Variants in ZNF703 observed in about 807,000 individuals in gnomAD.
ZNF703 encodes zinc finger protein 703.
A neutral mutation model predicts 30.7 loss-of-function variants in ZNF703; 18 were observed. The observed-to-expected ratio is 0.59, with a 90% CI of 0.40 to 0.87. The LOEUF (loss-of-function observed/expected upper bound fraction) is 0.87, where lower values mean the gene tolerates loss of function less well. Among genes scored for constraint, ZNF703 ranks in the 40% least tolerant of loss-of-function variants. ZNF703 has a pLI of 0.00. For synonymous variants in ZNF703, 457 were observed against 438.6 expected, an observed-to-expected ratio of 1.04 and a Z score of -0.52; for missense variants, 814 against 847.8, an observed-to-expected ratio of 0.96 and a Z score of 0.50.
At position 37,696,104 on chromosome 8, in the gene ZNF703, T is replaced by A; in HGVS notation, c.125T>A (p.Leu42Gln). 1.2e-6 allele frequency: 2 copies of A among 1,601,410 alleles called. No individual in the cohort carries two copies. Among genetic ancestry groups the A allele is most frequent in the Non-Finnish European group, 1.7e-6 (2 of 1,174,668 alleles). ...AVSLLPPADPLRQANRLPIRV... is the reference protein window; with the variant it reads ...AVSLLPPADPQRQANRLPIRV... ...TCCCTCTTGCCACCGGCGGACCCCCTGCGCCAGGCGAACCGGCTCCCGATC... is the reference window on the plus strand; with the variant it reads ...TCCCTCTTGCCACCGGCGGACCCCCAGCGCCAGGCGAACCGGCTCCCGATC... Residue 42 changes from leucine (L) to glutamine (Q), a missense_variant, in exon 1 of 2, where the codon CTG (leucine) becomes CAG (glutamine). Transcript: ENST00000331569. This position sits in a 1 kb window ranked among gnomAD's most constrained non-coding sequence, Gnocchi z 8.2.
In ZNF703 at chr8:37,696,102, C is replaced by A; in HGVS notation, c.123C>A (p.Pro41=). The change falls in exon 1 of 2, where the codon CCC becomes CCA. Residue 41 remains proline, a synonymous_variant. Coordinates refer to ENST00000331569, the MANE Select transcript of ZNF703 (RefSeq NM_025069.3). The surrounding 1 kb of genome is among the most constrained non-coding windows in gnomAD (Gnocchi z 8.2). ...AAVSLLPPAD[P]LRQANRLPIR... is the part of the protein sequence containing the mutation. ...TGTCCCTCTTGCCACCGGCGGACCC[C>A]CTGCGCCAGGCGAACCGGCTCCCGA... The A allele has an allele frequency of 6.2e-7, 1 of 1,600,712 alleles. No individual in the cohort carries two copies. Among genetic ancestry groups the A allele is most frequent in the South Asian group, 1.1e-5 (1 of 89,520 alleles).
In ZNF703 at chr8:37,696,270, C is replaced by A. The variant is rs987829370; in HGVS notation, c.243+48C>A. The A allele has an allele frequency of 6.5e-7, 1 of 1,529,480 alleles. No homozygotes were observed. 94.7% of individuals were successfully genotyped at this position (1,529,480 alleles called of 1,614,324 possible). ...CGGGCGCCGGCCCCATTCCTCCCACCGCGACCGGGACCCTGACCCAGCTCC... is the reference window on the plus strand; with the variant it reads ...CGGGCGCCGGCCCCATTCCTCCCACAGCGACCGGGACCCTGACCCAGCTCC... On this transcript the variant is annotated intron_variant, in intron 1 of 1. Transcript: ENST00000331569. This position sits in a 1 kb window ranked among gnomAD's most constrained non-coding sequence, Gnocchi z 8.2.
Position 37,698,766 on chromosome 8 carries a change from C to T in ZNF703, c.*92C>T. 1 of 1,114,134 alleles carries T rather than the reference C, an allele frequency of 9.0e-7. No individual in the cohort carries two copies. Among genetic ancestry groups the T allele is most frequent in the East Asian group, 3.2e-5 (1 of 31,458 alleles). 69.0% of individuals were successfully genotyped at this position (1,114,134 alleles called of 1,614,324 possible). ...GCCGTCGCCGCTGCAACCTCCACTA[C>T]TGCTTGACCCTGCCGGGATTCCCCA... On this transcript the variant is annotated 3_prime_UTR_variant, in exon 2 of 2. Coordinates refer to ENST00000331569, the MANE Select transcript of ZNF703 (RefSeq NM_025069.3).
chr8:37,699,710 G>A lies in ZNF703; in HGVS notation c.*1036G>A, dbSNP rs548977103. On this transcript the variant is annotated 3_prime_UTR_variant, in exon 2 of 2. Coordinates refer to ENST00000331569, the MANE Select transcript of ZNF703 (RefSeq NM_025069.3). ...TCCCCTGGCAGTAGGGGTGGGGTAG[G>A]TGACTCTCGCTAGATCCCTCCAAAG... 2.6e-5 allele frequency: 4 copies of A among 152,458 alleles called. No individual in the cohort carries two copies. The highest frequency in any genetic ancestry group is 9.6e-5 in the African/African-American group (4 of 41,588). 9.4% of individuals were successfully genotyped at this position (152,458 alleles called of 1,614,324 possible).
At position 37,697,137 on chromosome 8, in the gene ZNF703, T is replaced by C. The variant is rs1283865606; in HGVS notation, c.244-8T>C. 1 of 1,540,932 alleles carries C rather than the reference T, an allele frequency of 6.5e-7. No homozygotes were observed. On this transcript the variant is annotated splice_polypyrimidine_tract_variant and splice_region_variant and intron_variant, in intron 1 of 1. Transcript: ENST00000331569. ...CCTTCTCCCTCCCCCTGCTTCTGTC[T>C]CCCACAGCTGGACGCCAAGAAGAGC...
In ZNF703 at chr8:37,697,622, G is replaced by T. The variant is rs1802094458; in HGVS notation, c.721G>T (p.Glu241Ter). 1.4e-6 allele frequency: 2 copies of T among 1,418,284 alleles called. No individual in the cohort carries two copies. Among genetic ancestry groups the T allele is most frequent in the South Asian group, 1.5e-5 (1 of 65,286 alleles). 87.9% of individuals were successfully genotyped at this position (1,418,284 alleles called of 1,614,324 possible). A position where few individuals can be genotyped will look rare whatever the true frequency, so the allele number is the denominator to read the frequency against. ...GAACGGCGGCGGGGTTGGCGGCGGGGAGCTGGACAAGAAAGACCAGGAGCC... is the reference window on the plus strand; with the variant it reads ...GAACGGCGGCGGGGTTGGCGGCGGGTAGCTGGACAAGAAAGACCAGGAGCC... Reference protein sequence around the residue: ...CKNGGGVGGGELDKKDQEPKP... With the variant: ...CKNGGGVGGG The change falls in exon 2 of 2, where the codon GAG becomes TAG. Residue 241 changes from glutamate to a stop codon, truncating the protein, a stop_gained. Transcript: ENST00000331569. LOFTEE classifies it high-confidence loss of function.
At position 37,697,703 on chromosome 8, in the gene ZNF703, G is replaced by T; in HGVS notation, c.802G>T (p.Ala268Ser). ...CCGCGGCGGCGGTGGGGAGCCCGGG[G>T]CGCACGGTGGCGCCGAGTCCGGGGC... ...VSRGGGGEPGAHGGAESGASG... is the reference protein window; with the variant it reads ...VSRGGGGEPGSHGGAESGASG... Residue 268 changes from alanine to serine, a missense_variant, in exon 2 of 2, where the codon GCG becomes TCG. Ala to Ser is a moderately conservative substitution (Grantham distance 99). Transcript: ENST00000331569. The T allele has an allele frequency of 7.4e-7, 1 of 1,344,634 alleles. No homozygotes were observed. 83.3% of individuals were successfully genotyped at this position (1,344,634 alleles called of 1,614,324 possible). A position where few individuals can be genotyped will look rare whatever the true frequency, so the allele number is the denominator to read the frequency against.
In ZNF703 at chr8:37,697,052, G is replaced by A. The variant is rs1225573892; in HGVS notation, c.244-93G>A. 160 of 1,355,512 alleles carry A rather than the reference G, an allele frequency of 1.2e-4. 1 individual carries two copies. Among genetic ancestry groups the A allele is most frequent in the Middle Eastern group, 2.4e-4 (1 of 4,188 alleles). The allele number at this position is 1,355,512 out of a possible 1,614,324, so 84.0% of individuals were successfully genotyped here. A position where few individuals can be genotyped will look rare whatever the true frequency, so the allele number is the denominator to read the frequency against. ...TCTCCCCAGGCCCGCCCCGCCCCGTGGCGCCGCCGCCCAGCTCCCCGGGCG... is the reference window on the plus strand; with the variant it reads ...TCTCCCCAGGCCCGCCCCGCCCCGTAGCGCCGCCGCCCAGCTCCCCGGGCG... On this transcript the variant is annotated intron_variant, in intron 1 of 1. Coordinates refer to ENST00000331569, the MANE Select transcript of ZNF703 (RefSeq NM_025069.3).
At position 37,696,103 on chromosome 8, in the gene ZNF703, C is replaced by T. The variant is rs1025303798; in HGVS notation, c.124C>T (p.Leu42=). 2.5e-6 allele frequency: 4 copies of T among 1,601,328 alleles called. No individual in the cohort carries two copies. Among genetic ancestry groups the T allele is most frequent in the Non-Finnish European group, 3.4e-6 (4 of 1,174,562 alleles). ...AVSLLPPADP[L]RQANRLPIRV... ...GTCCCTCTTGCCACCGGCGGACCCC[C>T]TGCGCCAGGCGAACCGGCTCCCGAT... Residue 42 remains leucine, a synonymous_variant, in exon 1 of 2, where the codon CTG becomes TTG. Transcript: ENST00000331569. The surrounding 1 kb of genome is among the most constrained non-coding windows in gnomAD (Gnocchi z 8.2).
At position 37,698,188 on chromosome 8, in the gene ZNF703, G is replaced by A. The variant is rs760926948; in HGVS notation, c.1287G>A (p.Ser429=). The part of the protein sequence containing the change: ...PGHPLQPAAL[S]SSAAQAALPG... ...ACCCGCTGCAGCCCGCCGCGCTCTC[G>A]TCCAGCGCCGCCCAGGCCGCGCTCC... Residue 429 remains serine (S), a synonymous_variant, in exon 2 of 2, where the codon TCG becomes TCA. Coordinates refer to ENST00000331569, the MANE Select transcript of ZNF703 (RefSeq NM_025069.3). The A allele has an allele frequency of 6.5e-7, 1 of 1,529,350 alleles. No individual in the cohort carries two copies. The highest frequency in any genetic ancestry group is 8.7e-7 in the Non-Finnish European group (1 of 1,144,590). The allele number at this position is 1,529,350 out of a possible 1,614,324, so 94.7% of individuals were successfully genotyped here.
At chr8:37,697,087 G>T (rs1802080386) in intron 1 of ZNF703, 58 bp from the exon 2 acceptor site, 1 of 1,419,548 alleles carries the variant, frequency 7.0e-7, no homozygotes, top group Admixed American at 2.9e-5. Flanking sequence ...GCCCCCGCTC[G>T]CCCCGCAGGC....
chr8:37,698,098 CA>C lies in ZNF703; in HGVS notation c.1198del (p.Ser400AlafsTer10). 1 of 1,536,660 alleles carries C rather than the reference CA, an allele frequency of 6.5e-7. No individual in the cohort carries two copies. The highest frequency in any genetic ancestry group is 2.4e-5 in the East Asian group (1 of 40,962). On this transcript the variant is annotated frameshift_variant, in exon 2 of 2. Coordinates refer to ENST00000331569, the MANE Select transcript of ZNF703 (RefSeq NM_025069.3). LOFTEE classifies it high-confidence loss of function. ...HLGGSSCSTCSAHDPAGPSLK... is the reference protein window; with the variant it reads ...HLGGSSCSTCXAHDPAGPSLK... Reference sequence around the variant, plus strand: ...TCGGCGGCTCCAGCTGCTCCACCTGCAGCGCGCACGACCCTGCCGGGCCCAG... The same window carrying C: ...TCGGCGGCTCCAGCTGCTCCACCTGCGCGCGCACGACCCTGCCGGGCCCAG...
In ZNF703 at chr8:37,697,892, G is replaced by T. The variant is rs1259908388; in HGVS notation, c.991G>T (p.Val331Leu). The T allele has an allele frequency of 1.3e-6, 2 of 1,555,488 alleles. No individual in the cohort carries two copies. ...CTACGCCGGCTACCCGTCTCAGTTC[G>T]TGCCTGGCCTGGATCCTAGCAAGTC... ...GAYAGYPSQFVPGLDPSKSGL... is the reference protein window; with the variant it reads ...GAYAGYPSQFLPGLDPSKSGL... The change falls in exon 2 of 2, where the codon GTG becomes TTG. Residue 331 changes from valine to leucine, a missense_variant. Transcript: ENST00000331569.
In ZNF703 at chr8:37,696,626, G is replaced by A. The variant is rs1376671906; in HGVS notation, c.243+404G>A. 2.0e-5 allele frequency among the ~76,000 whole-genome samples: 3 copies of A among 152,092 alleles called. No homozygotes were observed. Among genetic ancestry groups the A allele is most frequent in the Admixed American group, 6.5e-5 (1 of 15,288 alleles). ...CCACTTCGCCTCTGTCCCATCCGGT[G>A]AGGGCGCACGGCGCCCTGGCGCTCC... is the stretch of plus-strand genomic sequence containing the variant. On this transcript the variant is annotated intron_variant, in intron 1 of 1. Coordinates refer to ENST00000331569, the MANE Select transcript of ZNF703 (RefSeq NM_025069.3). This position sits in a 1 kb window ranked among gnomAD's most constrained non-coding sequence, Gnocchi z 8.2.
In ZNF703 at chr8:37,698,804, C is replaced by A; in HGVS notation, c.*130C>A. 1 of 723,828 alleles carries A rather than the reference C, an allele frequency of 1.4e-6. No homozygotes were observed. Among genetic ancestry groups the A allele is most frequent in the Non-Finnish European group, 2.0e-6 (1 of 505,358 alleles). The allele number at this position is 723,828 out of a possible 1,614,324, so 44.8% of individuals were successfully genotyped here. ...CCGGGATTCCCCACCCAGCCCTTCC[C>A]CACCGGACTGTGTATTTATTTACTA... is the stretch of plus-strand genomic sequence containing the variant. On this transcript the variant is annotated 3_prime_UTR_variant, in exon 2 of 2. Coordinates refer to ENST00000331569, the MANE Select transcript of ZNF703 (RefSeq NM_025069.3).
At chr8:37,697,084 C>T in intron 1 of ZNF703, 61 bp from the exon 2 acceptor site, 1 of 1,427,542 alleles carries the variant, frequency 7.0e-7, no homozygotes, top group Non-Finnish European at 9.1e-7. Context: ...GGCGCCCCCG[C>T]TCGCCCCGCA....
At position 37,696,031 on chromosome 8, in the gene ZNF703, AGCGGCAGCGGCG is replaced by A; in HGVS notation, c.58_69del (p.Ser20_Gly23del). 6.5e-7 allele frequency: 1 copy of A among 1,541,306 alleles called. No individual in the cohort carries two copies. Among genetic ancestry groups the A allele is most frequent in the South Asian group, 1.2e-5 (1 of 84,746 alleles). On this transcript the variant is annotated inframe_deletion, in exon 1 of 2. Transcript: ENST00000331569. The surrounding 1 kb of genome is among the most constrained non-coding windows in gnomAD (Gnocchi z 8.2). Reference sequence around the variant, plus strand: ...CCCAAGGACACCCGAAAGCAGCGGCAGCGGCAGCGGCGGCGGCGGGAAGAGGCCGGCGGTGCC... The same window carrying A: ...CCCAAGGACACCCGAAAGCAGCGGCAGCGGCGGGAAGAGGCCGGCGGTGCC...
chr8:37,698,568 CG>C lies in ZNF703; in HGVS notation c.1673del (p.Gly558AlafsTer24). The C allele has an allele frequency of 2.5e-6, 4 of 1,569,518 alleles. No individual in the cohort carries two copies. Among genetic ancestry groups the C allele is most frequent in the Non-Finnish European group, 3.4e-6 (4 of 1,160,788 alleles). On this transcript the variant is annotated frameshift_variant, in exon 2 of 2. Coordinates refer to ENST00000331569, the MANE Select transcript of ZNF703 (RefSeq NM_025069.3). LOFTEE classifies it high-confidence loss of function. The stretch of plus-strand genomic sequence containing the variant: ...TATGGCAAGAGCCACTTATCCACAG[CG>C]GGGGGCCTGGCCGTGCCGTCCCTCC... The part of the protein sequence containing the change: ...HPYGKSHLST[A>X]GGLAVPSLPT...
At position 37,698,027 on chromosome 8, in the gene ZNF703, T is replaced by C; in HGVS notation, c.1126T>C (p.Cys376Arg). 1 of 1,555,648 alleles carries C rather than the reference T, an allele frequency of 6.4e-7. No homozygotes were observed. Among genetic ancestry groups the C allele is most frequent in the Non-Finnish European group, 8.7e-7 (1 of 1,154,754 alleles). ...CCCGCCCTCCTTCCTGCAGGGATTATGCCGCGACCCCTATTGCTTGGGAGG... is the reference window on the plus strand; with the variant it reads ...CCCGCCCTCCTTCCTGCAGGGATTACGCCGCGACCCCTATTGCTTGGGAGG... ...ASPPSFLQGL[C>R]RDPYCLGGYH... Residue 376 changes from cysteine (C) to arginine (R), a missense_variant, in exon 2 of 2, where the codon TGC becomes CGC. Transcript: ENST00000331569.
Sources: allele counts gnomAD v4.1 joint callset (sites outside exome capture counted in the v4.1 genomes callset), GRCh38; gene constraint gnomAD v4.1.1; non-coding constraint Gnocchi (gnomAD v3.1); transcripts MANE v1.5; gene names NCBI Gene and HGNC (gene_info 2026-07-23, HGNC 2026-07-21).